Variants in CRIM1 observed in about 807,000 individuals in gnomAD.
The protein encoded by CRIM1 is cysteine rich transmembrane BMP regulator 1, also known as cysteine-rich motor neuron 1 protein.
Under a neutral mutation model 116.4 loss-of-function variants are expected in CRIM1, and 32 were observed. The ratio of observed to expected loss-of-function variants is 0.27; its 90% confidence interval spans 0.21 to 0.37. The LOEUF is 0.37. CRIM1 is among the 10% of genes least tolerant of loss of function. CRIM1 has a pLI of 1.00. For missense variants in CRIM1, 1,331 were observed against 1,354.8 expected (o/e 0.98, Z 0.28); for synonymous variants, 590 against 509.2 (o/e 1.16, Z -2.13).
chr2:36,437,564 C>T (rs901265119), intron 2 of CRIM1, among the ~76,000 whole-genome samples: 4 of 62,440 alleles, frequency 6.4e-5, no homozygotes, highest in South Asian at 1.6e-3. Context: ...AAAATCCAAC[C>T]GATTATATTA....
chr2:36,474,846 T>TAAAAAAAAAAAA (rs1491569018), intron 5 of CRIM1, among the ~76,000 whole-genome samples: 2 of 17,320 alleles, frequency 1.2e-4, no homozygotes, highest in African/African-American at 3.8e-4. Context: ...AGACTCTATA[T>TAAAAAAAAAAAA]CAAAAAAAAA....
At chr2:36,386,358 A>G (rs144395892) in intron 1 of CRIM1, among the ~76,000 whole-genome samples, 56 of 152,334 alleles carry the variant, frequency 3.7e-4, no homozygotes, top group African/African-American at 1.3e-3. Flanking sequence ...CTCTTTTGAC[A>G]TGTCATAAAT....
At chr2:36,473,869 G>A (rs954970747) in intron 5 of CRIM1, among the ~76,000 whole-genome samples, 4 of 152,028 alleles carry the variant, frequency 2.6e-5, no homozygotes, top group African/African-American at 9.7e-5. Context: ...TTTCTCTTGG[G>A]TATATACCTA....
chr2:36,546,049 T>C (rs1314049510), intron 15 of CRIM1, among the ~76,000 whole-genome samples: 1 of 152,060 alleles, frequency 6.6e-6, no homozygotes, highest in African/African-American at 2.4e-5. Context: ...AAAATCTGAG[T>C]TTTAAACCAC....
At position 36,462,965 on chromosome 2, in the gene CRIM1, C is replaced by T. The variant is rs181274363; in HGVS notation, c.870-1569C>T. The stretch of plus-strand genomic sequence containing the variant: ...AAATGATTGTCCTGCAGGAATATAG[C>T]GTATGAATTGAGAGCTCCAAGCTCT... On this transcript the variant is annotated intron_variant, in intron 4 of 16. Transcript: ENST00000280527. Among the ~76,000 whole-genome samples the T allele has an allele frequency of 1.1e-4, 17 of 152,254 alleles. 1 individual carries two copies. Among genetic ancestry groups the T allele is most frequent in the Admixed American group, 9.8e-4 (15 of 15,308 alleles).
intron 4 of CRIM1, among the ~76,000 whole-genome samples, chr2:36,450,882 T>C (rs1378240555): frequency 1.3e-5 from 2 of 152,264 alleles, no homozygotes; most frequent in Admixed American, 1.3e-4. Context: ...AGCAGATTGC[T>C]AGCACACTGT....
At chr2:36,392,054 C>T (rs921733467) in intron 1 of CRIM1, among the ~76,000 whole-genome samples, 21 of 152,290 alleles carry the variant, frequency 1.4e-4, no homozygotes, top group African/African-American at 5.1e-4. Flanking sequence ...ATGGGAAATA[C>T]ACATAAAGTA....
chr2:36,475,200 TAAACAATGTTG>T (rs1678869356), intron 5 of CRIM1, among the ~76,000 whole-genome samples: 2 of 152,402 alleles, frequency 1.3e-5, no homozygotes, highest in East Asian at 3.9e-4. Flanking sequence ...TATTTCCATT[TAAACAATGTTG>T]TCTTTCAATC....
Position 36,356,469 on chromosome 2 carries a change from C to T in CRIM1, c.177C>T (p.Val59=), listed in dbSNP as rs1459082550. 1.2e-6 allele frequency: 2 copies of T among 1,611,748 alleles called. No homozygotes were observed. Among genetic ancestry groups the T allele is most frequent in the Admixed American group, 1.7e-5 (1 of 60,000 alleles). The change falls in exon 1 of 17, where the codon GTC becomes GTT. Residue 59 remains valine (V), a synonymous_variant. Transcript: ENST00000280527. This position sits in a 1 kb window ranked among gnomAD's most constrained non-coding sequence, Gnocchi z 4.3. ...GCCCGGGGAGCATCGTGCAGGGCGT[C>T]TGCGGCTGCTGCTACACGTGCGCCA... is the stretch of plus-strand genomic sequence containing the variant. ...RNCPGSIVQG[V]CGCCYTCASQ...
intron 8 of CRIM1, among the ~76,000 whole-genome samples, chr2:36,508,214 TTA>T (rs1162035903): frequency 6.6e-6 from 1 of 152,222 alleles, no homozygotes; most frequent in Admixed American, 6.5e-5. Flanking sequence ...GAGGTTATAT[TTA>T]TATGTGTAAT....
At chr2:36,436,957 T>C (rs1675361097) in intron 2 of CRIM1, among the ~76,000 whole-genome samples, 1 of 152,244 alleles carries the variant, frequency 6.6e-6, no homozygotes, top group Admixed American at 6.5e-5. Context: ...AAAATCAGAA[T>C]ATAACCAAAG....
intron 1 of CRIM1, among the ~76,000 whole-genome samples, chr2:36,357,989 T>G (rs1424511846): frequency 6.6e-6 from 1 of 152,218 alleles, no homozygotes; most frequent in African/African-American, 2.4e-5. Context: ...TATTTATACC[T>G]GAATAGTTTG....
At chr2:36,429,765 C>T (rs2124895210) in intron 2 of CRIM1, among the ~76,000 whole-genome samples, 2 of 152,306 alleles carry the variant, frequency 1.3e-5, no homozygotes, top group South Asian at 4.1e-4. Context: ...AGGCTTCACC[C>T]AAGACCAGGG....
At chr2:36,519,515 C>T (rs527385977) in intron 12 of CRIM1, among the ~76,000 whole-genome samples, 1 of 152,340 alleles carries the variant, frequency 6.6e-6, no homozygotes, top group East Asian at 1.9e-4. Context: ...TTATCAGTTT[C>T]TTCCCATCAC....
At chr2:36,481,823 C>T (rs187617095) in intron 7 of CRIM1, among the ~76,000 whole-genome samples, 5 of 152,336 alleles carry the variant, frequency 3.3e-5, no homozygotes, top group Admixed American at 1.3e-4. Flanking sequence ...CACAGCATCC[C>T]AGCCTAACTC....
In CRIM1 at chr2:36,549,850, TAC is replaced by T. The variant is rs1267680535; in HGVS notation, c.*1151_*1152del. The T allele has an allele frequency of 2.0e-5, 3 of 151,444 alleles. No individual in the cohort carries two copies. Among genetic ancestry groups the T allele is most frequent in the Non-Finnish European group, 4.4e-5 (3 of 67,784 alleles). The allele number at this position is 151,444 out of a possible 1,614,324, so 9.4% of individuals were successfully genotyped here. A position where few individuals can be genotyped will look rare whatever the true frequency, so the allele number is the denominator to read the frequency against. ...TGCATGTGTATATAATATATATATA[TAC>T]ATATATATTTATACACATACAATTT... On this transcript the variant is annotated 3_prime_UTR_variant, in exon 17 of 17. Transcript: ENST00000280527.
In CRIM1 at chr2:36,547,169, A is replaced by G; in HGVS notation, c.2932A>G (p.Lys978Glu). ...GCTTTGCTGGTATCGAACACCAACT[A>G]AGGTACTGTCTTGCAAAAGTTAGTC... is the stretch of plus-strand genomic sequence containing the variant. The part of the protein sequence containing the change: ...PLLCWYRTPT[K>E]PSSLNNQLVS... Residue 978 changes from lysine (K) to glutamate (E), a missense_variant and splice_region_variant, in exon 16 of 17, where the codon AAG (lysine) becomes GAG (glutamate). Lys to Glu is a moderately conservative substitution (Grantham distance 56, BLOSUM62 1). Coordinates refer to ENST00000280527, the MANE Select transcript of CRIM1 (RefSeq NM_016441.3). 3 of 1,609,930 alleles carry G rather than the reference A, an allele frequency of 1.9e-6. No homozygotes were observed. The highest frequency in any genetic ancestry group is 3.3e-4 in the Middle Eastern group (2 of 6,034).
In CRIM1 at chr2:36,512,330, C is replaced by T. The variant is rs201990078; in HGVS notation, c.1716C>T (p.Cys572=). The part of the protein sequence containing the change: ...CRCKKCPELS[C]SKICPLGFQQ... ...GTAAGAAATGTCCAGAGCTCTCATG[C>T]AGTAAGATCTGCCCCTTGGGTTTCC... The change falls in exon 10 of 17, where the codon TGC becomes TGT. Residue 572 remains cysteine (C), a synonymous_variant. Coordinates refer to ENST00000280527, the MANE Select transcript of CRIM1 (RefSeq NM_016441.3). 4 of 1,614,002 alleles carry T rather than the reference C, an allele frequency of 2.5e-6. No homozygotes were observed. The highest frequency in any genetic ancestry group is 1.3e-5 in the African/African-American group (1 of 75,068).
chr2:36,536,205 A>G (rs1666543679), intron 13 of CRIM1, among the ~76,000 whole-genome samples: 2 of 152,282 alleles, frequency 1.3e-5, no homozygotes, highest in East Asian at 1.9e-4. Flanking sequence ...TCCTGATGCC[A>G]TTATGGGCTT....
Sources: gnomAD v4.1 joint callset for allele counts (sites outside exome capture counted in the v4.1 genomes callset) on GRCh38, gnomAD v4.1.1 for gene constraint, Gnocchi (gnomAD v3.1) non-coding constraint, MANE v1.5 for transcripts, NCBI Gene and HGNC (gene_info 2026-07-23, HGNC 2026-07-21) for gene names.